RRAS2: variants seen among roughly 807,000 people sequenced by gnomAD.
The protein encoded by RRAS2 is ras-related protein R-Ras2.
In RRAS2, 7 loss-of-function variants were observed where a neutral mutation model predicts 27.6. The observed-to-expected ratio is 0.25, with a 90% CI of 0.14 to 0.48. The LOEUF (loss-of-function observed/expected upper bound fraction) is 0.48, where lower values mean the gene tolerates loss of function less well. RRAS2 is among the 20% of genes least tolerant of loss of function. The pLI, the probability that RRAS2 is intolerant of heterozygous loss-of-function variation, is 0.99. For synonymous variants in RRAS2, 86 were observed against 90.9 expected (o/e 0.95, Z 0.31); for missense variants, 178 against 256.2 (o/e 0.69, Z 2.08).
chr11:14,346,180 T>A (rs1848825430), intron 1 of RRAS2, among the ~76,000 whole-genome samples: 1 of 152,206 alleles, frequency 6.6e-6, no homozygotes, highest in Admixed American at 6.5e-5. Flanking sequence ...ACAAATTTGA[T>A]AAATCTTCCT....
At chr11:14,336,449 T>C (rs953203343) in intron 1 of RRAS2, among the ~76,000 whole-genome samples, 17 of 151,650 alleles carry the variant, frequency 1.1e-4, no homozygotes, top group Non-Finnish European at 2.2e-4. Context: ...GGCAAACATA[T>C]TAAGGCAGTC....
intron 1 of RRAS2, among the ~76,000 whole-genome samples, chr11:14,311,023 A>G (rs1847951122): frequency 6.6e-6 from 1 of 152,150 alleles, no homozygotes; most frequent in African/African-American, 2.4e-5. Context: ...GTGGCAAAGG[A>G]TTTTTCACTG....
intron 1 of RRAS2, among the ~76,000 whole-genome samples, chr11:14,339,679 T>G (rs1188129115): frequency 1.3e-5 from 2 of 152,164 alleles, no homozygotes; most frequent in Non-Finnish European, 2.9e-5. Flanking sequence ...AAATAGAAAG[T>G]TAAAGTTAAA....
chr11:14,329,115 A>G (rs1291523800), intron 1 of RRAS2, among the ~76,000 whole-genome samples: 3 of 150,912 alleles, frequency 2.0e-5, no homozygotes, highest in African/African-American at 7.3e-5. Context: ...ACATATATAT[A>G]TATATTTTTT....
At chr11:14,316,891 T>C (rs1165023530) in intron 1 of RRAS2, among the ~76,000 whole-genome samples, 1 of 152,200 alleles carries the variant, frequency 6.6e-6, no homozygotes, top group Non-Finnish European at 1.5e-5. Context: ...TGACTATCAG[T>C]TCCTGCCTTC....
intron 2 of RRAS2, among the ~76,000 whole-genome samples, chr11:14,295,372 A>G (rs1847517020): frequency 6.6e-6 from 1 of 152,218 alleles, no homozygotes; most frequent in South Asian, 2.1e-4. Flanking sequence ...GACACAAAAC[A>G]GTACTTGCTA....
At position 14,359,060 on chromosome 11, in the gene RRAS2, G is replaced by C; in HGVS notation, c.-190C>G. The C allele has an allele frequency of 9.0e-7, 1 of 1,105,180 alleles. No individual in the cohort carries two copies. The highest frequency in any genetic ancestry group is 1.1e-6 in the Non-Finnish European group (1 of 907,364). The allele number at this position is 1,105,180 out of a possible 1,614,324, so 68.5% of individuals were successfully genotyped here. ...GCTGGGGACTGGCTGGGTACCGCCC[G>C]AGGCGCGGAGAAGCGGGGTGACGGC... On this transcript the variant is annotated 5_prime_UTR_variant, in exon 1 of 6. Transcript: ENST00000256196.
chr11:14,363,179 A>G (rs1849211895), upstream of RRAS2, among the ~76,000 whole-genome samples: 1 of 152,206 alleles, frequency 6.6e-6, no homozygotes, highest in African/African-American at 2.4e-5. Context: ...TAGAAAACTT[A>G]AGATCCTCCT....
At chr11:14,322,646 T>C (rs782411094) in intron 1 of RRAS2, among the ~76,000 whole-genome samples, 5 of 152,370 alleles carry the variant, frequency 3.3e-5, no homozygotes, top group East Asian at 1.9e-4. Context: ...ACGTATGTTA[T>C]TGGCTAAATA....
At chr11:14,280,338 A>C (rs1341689630) in intron 5 of RRAS2, among the ~76,000 whole-genome samples, 1 of 152,094 alleles carries the variant, frequency 6.6e-6, no homozygotes, top group Non-Finnish European at 1.5e-5. Flanking sequence ...AAAAGCTATA[A>C]CCTTCACTTT....
At chr11:14,301,057 G>A in intron 1 of RRAS2, among the ~76,000 whole-genome samples, 1 of 152,140 alleles carries the variant, frequency 6.6e-6, no homozygotes, top group East Asian at 1.9e-4. Context: ...CAAATGGAGG[G>A]CAGTTCTGAG....
intron 1 of RRAS2, among the ~76,000 whole-genome samples, chr11:14,341,171 T>C (rs1848696988): frequency 6.6e-6 from 1 of 152,280 alleles, no homozygotes; most frequent in Non-Finnish European, 1.5e-5. Context: ...GGTCCAAAAG[T>C]AATCCATTTT....
chr11:14,324,606 G>T (rs1848306806), intron 1 of RRAS2, among the ~76,000 whole-genome samples: 1 of 152,120 alleles, frequency 6.6e-6, no homozygotes, highest in Non-Finnish European at 1.5e-5. Context: ...AAATAGCCAA[G>T]AAATTGTTTA....
intron 1 of RRAS2, among the ~76,000 whole-genome samples, chr11:14,364,189 G>C (rs564820964): frequency 3.9e-5 from 6 of 152,366 alleles, no homozygotes; most frequent in Admixed American, 1.3e-4. Context: ...CATCTGGACT[G>C]TTGGTTATTC....
intron 1 of RRAS2, among the ~76,000 whole-genome samples, chr11:14,344,899 G>A (rs1262233694): frequency 1.3e-5 from 2 of 150,866 alleles, no homozygotes; most frequent in Non-Finnish European, 2.9e-5. Context: ...TCAGTAACTA[G>A]ATGCTATGGA....
chr11:14,288,516 C>A (rs782784402), intron 4 of RRAS2, among the ~76,000 whole-genome samples: 1 of 152,166 alleles, frequency 6.6e-6, no homozygotes, highest in Non-Finnish European at 1.5e-5. Context: ...CAAAAGAAAA[C>A]TGAAAGTTAC....
intron 4 of RRAS2, among the ~76,000 whole-genome samples, chr11:14,285,903 T>C (rs549171968): frequency 6.6e-6 from 1 of 152,312 alleles, no homozygotes; most frequent in Non-Finnish European, 1.5e-5. Flanking sequence ...GTGATTTCAT[T>C]ATAATGTATC....
rs181136613 is a variant in RRAS2 at position 14,303,536 on chromosome 11, A to C, written c.109-7681T>G. Among the ~76,000 whole-genome samples the C allele has an allele frequency of 4.2e-3, 634 of 152,318 alleles. 17 individuals are homozygous for C. Among genetic ancestry groups the C allele is most frequent in the East Asian group, 0.014 (71 of 5,186 alleles). ...AGGACTGCTTGAGCCCAGGAGTTTGAGACCGGCCTCAGCGACAGAGAGAGA... is the reference window on the plus strand; with the variant it reads ...AGGACTGCTTGAGCCCAGGAGTTTGCGACCGGCCTCAGCGACAGAGAGAGA... On this transcript the variant is annotated intron_variant, in intron 1 of 5. Coordinates refer to ENST00000256196, the MANE Select transcript of RRAS2 (RefSeq NM_012250.6).
chr11:14,325,864 T>C (rs1242969385), intron 1 of RRAS2, among the ~76,000 whole-genome samples: 1 of 152,192 alleles, frequency 6.6e-6, no homozygotes, highest in Non-Finnish European at 1.5e-5. Flanking sequence ...TATCTTCTAC[T>C]TGATTTGTAA....
Sources: gnomAD v4.1 joint callset for allele counts (sites outside exome capture counted in the v4.1 genomes callset) on GRCh38, gnomAD v4.1.1 for gene constraint, MANE v1.5 for transcripts, NCBI Gene and HGNC (gene_info 2026-07-23, HGNC 2026-07-21) for gene names.